The following PLOD2 variants were observed in gnomAD, a reference collection of about 807,000 sequenced individuals.
The protein encoded by PLOD2 is procollagen-lysine,2-oxoglutarate 5-dioxygenase 2.
Under a neutral mutation model 101.0 loss-of-function variants are expected in PLOD2, and 65 were observed. The ratio of observed to expected loss-of-function variants is 0.64; its 90% CI spans 0.53 to 0.79. The LOEUF (loss-of-function observed/expected upper bound fraction) is 0.79. PLOD2 is among the 30% of genes least tolerant of loss of function. The probability of loss-of-function intolerance (pLI) is 0.00; values close to 1 mark genes in which losing one functional copy is unlikely to be tolerated. For synonymous variants in PLOD2, 314 were observed against 302.9 expected, an observed-to-expected ratio of 1.04 and a Z score of -0.38; for missense variants, 909 against 914.6, an observed-to-expected ratio of 0.99 and a Z score of 0.08.
chr3:146,138,443 G>T (rs984646812), intron 1 of PLOD2, among the ~76,000 whole-genome samples: 9 of 152,120 alleles, frequency 5.9e-5, no homozygotes, highest in Non-Finnish European at 1.3e-4. Flanking sequence ...TGCTATCTTG[G>T]ATGACATAAC....
chr3:146,135,837 T>C (rs772543915), intron 1 of PLOD2, among the ~76,000 whole-genome samples: 5 of 152,130 alleles, frequency 3.3e-5, no homozygotes, highest in Admixed American at 6.6e-5. Flanking sequence ...GAATGAACCA[T>C]TATTTAACCA....
intron 10 of PLOD2, chr3:146,086,519 A>C (rs1936773581): frequency 9.5e-6 from 2 of 211,324 alleles, no homozygotes; most frequent in South Asian, 2.2e-4. Context: ...ATTTATCTGC[A>C]TTTAAAAAAA....
rs750242044 is a variant in PLOD2 at position 146,081,878 on chromosome 3, A to AGT, written c.1233-17_1233-16dup. On this transcript the variant is annotated splice_polypyrimidine_tract_variant and intron_variant, in intron 11 of 19. Coordinates refer to ENST00000282903, the MANE Select transcript of PLOD2 (RefSeq NM_182943.3). ...CAATGATCTTTCTAAAGACAGAGAG[A>AGT]GTGTGTGTGAGAGAGAGAAACCTAT... is the stretch of plus-strand genomic sequence containing the variant. 1.7e-5 allele frequency: 27 copies of AGT among 1,607,744 alleles called. No individual in the cohort carries two copies. The African/African-American group carries it at 2.9e-4, about 18-fold the overall frequency.
chr3:146,117,405 T>G (rs536509649), intron 3 of PLOD2, among the ~76,000 whole-genome samples: 1 of 152,286 alleles, frequency 6.6e-6, no homozygotes, highest in South Asian at 2.1e-4. Context: ...GTTTAATTCA[T>G]TCTCCCAGGC....
chr3:146,160,092 CAG>C (rs2032497386), intron 1 of PLOD2, among the ~76,000 whole-genome samples: 2 of 152,194 alleles, frequency 1.3e-5, no homozygotes, highest in South Asian at 4.1e-4. Context: ...GATCTAATTT[CAG>C]AGAGTTGAGC....
chr3:146,075,320 C>T (rs948345315), intron 15 of PLOD2, among the ~76,000 whole-genome samples: 2 of 151,364 alleles, frequency 1.3e-5, no homozygotes, highest in Non-Finnish European at 3.0e-5. Flanking sequence ...TGGATTGAGT[C>T]TGCAATTTAA....
chr3:146,131,397 A>G (rs1042098847), intron 1 of PLOD2, among the ~76,000 whole-genome samples: 3 of 152,196 alleles, frequency 2.0e-5, no homozygotes, highest in African/African-American at 7.2e-5. Context: ...TCCTAGCTAC[A>G]GTCAGAAAGT....
chr3:146,158,386 C>G (rs1055239807), intron 1 of PLOD2, among the ~76,000 whole-genome samples: 5 of 152,122 alleles, frequency 3.3e-5, no homozygotes, highest in Admixed American at 2.6e-4. Flanking sequence ...ATACAGCACA[C>G]AGAACTCTCA....
At chr3:146,158,988 C>T (rs10935607) in intron 1 of PLOD2, among the ~76,000 whole-genome samples, 50,814 of 151,598 alleles carry the variant, frequency 0.34, 8,561 homozygotes, top group South Asian at 0.41. Flanking sequence ...TCAGTTGAAA[C>T]TTGTAAAGAA....
chr3:146,096,791 C>T (rs1336010424), intron 7 of PLOD2, among the ~76,000 whole-genome samples: 4 of 142,806 alleles, frequency 2.8e-5, no homozygotes, highest in African/African-American at 1.1e-4. Flanking sequence ...CCACCCCGTC[C>T]GGGAGGTGAG....
intron 1 of PLOD2, among the ~76,000 whole-genome samples, chr3:146,145,563 C>T (rs2031739145): frequency 6.6e-6 from 1 of 152,118 alleles, no homozygotes; most frequent in Non-Finnish European, 1.5e-5. Context: ...ACTATAGTTA[C>T]TGTTACGAGC....
At position 146,070,438 on chromosome 3, in the gene PLOD2, A is replaced by G. The variant is rs555280497; in HGVS notation, c.*279T>C. The G allele has an allele frequency of 2.2e-4, 46 of 207,414 alleles. No individual in the cohort carries two copies. The highest frequency in any genetic ancestry group is 1.0e-3 in the African/African-American group (45 of 43,720). 12.8% of individuals were successfully genotyped at this position (207,414 alleles called of 1,614,324 possible). A position where few individuals can be genotyped will look rare whatever the true frequency, so the allele number is the denominator to read the frequency against. ...TTTTATCAATTTGAAACACAAATTC[A>G]TAAATTGTCATTATTCTCAGAGGCA... On this transcript the variant is annotated 3_prime_UTR_variant, in exon 20 of 20. Transcript: ENST00000282903.
At chr3:146,114,159 A>G (rs9809099) in intron 3 of PLOD2, among the ~76,000 whole-genome samples, 76,338 of 151,724 alleles carry the variant, frequency 0.5, 19,291 homozygotes, top group East Asian at 0.56. Flanking sequence ...ATGACAATGC[A>G]TACCCGAAAT....
At chr3:146,154,557 G>A (rs907065197) in intron 1 of PLOD2, among the ~76,000 whole-genome samples, 1 of 151,696 alleles carries the variant, frequency 6.6e-6, no homozygotes, top group Non-Finnish European at 1.5e-5. Flanking sequence ...TTTTTTCCTG[G>A]TTAAAATTTA....
intron 10 of PLOD2, chr3:146,086,281 T>A (rs1936764035): frequency 6.6e-6 from 1 of 152,408 alleles, no homozygotes; most frequent in African/African-American, 2.4e-5. Context: ...AATACACGAT[T>A]TTTTTTACTA....
intron 7 of PLOD2, among the ~76,000 whole-genome samples, chr3:146,096,148 C>T (rs1194814767): frequency 6.7e-6 from 1 of 149,186 alleles, no homozygotes; most frequent in Non-Finnish European, 1.5e-5. Flanking sequence ...CTCGGCCTCC[C>T]GAGGTGCCGG....
intron 1 of PLOD2, among the ~76,000 whole-genome samples, chr3:146,160,166 C>A (rs1325215817): frequency 6.6e-6 from 1 of 152,184 alleles, no homozygotes; most frequent in Non-Finnish European, 1.5e-5. Context: ...GGCAGCAAAG[C>A]ATGTTTAGAC....
At chr3:146,143,215 A>AT (rs1351507502) in intron 1 of PLOD2, among the ~76,000 whole-genome samples, 1 of 152,064 alleles carries the variant, frequency 6.6e-6, no homozygotes. Flanking sequence ...AAAGAAGACT[A>AT]TAAGTTTTAA....
chr3:146,104,172 C>A, intron 6 of PLOD2, 107 bp downstream of exon 6: 1 of 770,496 alleles, frequency 1.3e-6, no homozygotes, highest in Admixed American at 1.8e-5. Context: ...AATATTTACA[C>A]TGTCGACCTT....
Sources: allele counts gnomAD v4.1 joint callset (sites outside exome capture counted in the v4.1 genomes callset), GRCh38; gene constraint gnomAD v4.1.1; transcripts MANE v1.5; gene names NCBI Gene and HGNC (gene_info 2026-07-23, HGNC 2026-07-21).